Variants in SLC5A4 observed in about 807,000 individuals in gnomAD.
SLC5A4 encodes the protein solute carrier family 5 member 4, also known as probable glucose sensor protein SLC5A4.
A neutral mutation model predicts 70.3 loss-of-function variants in SLC5A4; 55 were observed. The observed-to-expected ratio is 0.78, with a 90% CI of 0.63 to 0.98. The LOEUF is 0.98. Ranked by LOEUF, SLC5A4 falls within the 50% of genes least tolerant of loss-of-function variation. The pLI, the probability that SLC5A4 is intolerant of heterozygous loss-of-function variation, is 0.00. For missense variants in SLC5A4, 735 were observed against 839.2 expected, an observed-to-expected ratio of 0.88 and a Z score of 1.53; for synonymous variants, 268 against 305.7, an observed-to-expected ratio of 0.88 and a Z score of 1.29.
chr22:32,273,910 C>T, the SLC5A4 span, among the ~76,000 whole-genome samples: 7 of 152,088 alleles, frequency 4.6e-5, no homozygotes, highest in African/African-American at 1.7e-4. Flanking sequence ...AGAAAACATA[C>T]ACAAGTCATT....
chr22:32,343,124 A>G, the SLC5A4 span: 2 of 152,210 alleles, frequency 1.3e-5, no homozygotes, highest in African/African-American at 2.4e-5. Flanking sequence ...GGTCTTTATG[A>G]CCATGTCATC....
chr22:32,285,132 G>T, the SLC5A4 span: 1 of 152,110 alleles, frequency 6.6e-6, no homozygotes, highest in African/African-American at 2.4e-5. Flanking sequence ...AATAAAAGTA[G>T]ATGTGTGTGT....
Position 32,233,687 on chromosome 22 carries a change from T to A in SLC5A4, c.886-653A>T, listed in dbSNP as rs150245127. On this transcript the variant is annotated intron_variant, in intron 8 of 14. Coordinates refer to ENST00000266086, the MANE Select transcript of SLC5A4 (RefSeq NM_014227.3). ...AATGAAAAATTAAAAATTGGCCAGGTGCGGTGGCTCACACCTGTAATTGCA... is the reference window on the plus strand; with the variant it reads ...AATGAAAAATTAAAAATTGGCCAGGAGCGGTGGCTCACACCTGTAATTGCA... Among the ~76,000 whole-genome samples the A allele has an allele frequency of 1.5e-3, 229 of 152,044 alleles. 2 individuals are homozygous for A. The highest frequency in any genetic ancestry group is 3.7e-3 in the Admixed American group (57 of 15,262).
chr22:32,257,211 A>T (rs1054589985), upstream of SLC5A4, among the ~76,000 whole-genome samples: 3 of 152,154 alleles, frequency 2.0e-5, no homozygotes, highest in Admixed American at 1.3e-4. Context: ...ATCTTCTTGG[A>T]GAGAGATATA....
At chr22:32,307,322 G>A in the SLC5A4 span, among the ~76,000 whole-genome samples, 1 of 152,170 alleles carries the variant, frequency 6.6e-6, no homozygotes, top group East Asian at 1.9e-4. Context: ...TTGGCCAGGG[G>A]TTTGGACTAG....
At chr22:32,353,458 G>A in the SLC5A4 span, among the ~76,000 whole-genome samples, 1 of 152,054 alleles carries the variant, frequency 6.6e-6, no homozygotes, top group Admixed American at 6.5e-5. Flanking sequence ...CAGGATCCCC[G>A]CGGAAACGCT....
the SLC5A4 span, among the ~76,000 whole-genome samples, chr22:32,325,713 G>GT: frequency 6.6e-6 from 1 of 152,260 alleles, no homozygotes; most frequent in South Asian, 2.1e-4. Context: ...TCCCATGCGT[G>GT]TGTAGCCTCA....
chr22:32,263,867 T>C, the SLC5A4 span, among the ~76,000 whole-genome samples: 4 of 152,010 alleles, frequency 2.6e-5, no homozygotes, highest in Non-Finnish European at 5.9e-5. Context: ...TACTATGCAG[T>C]CATAAAAAAG....
the SLC5A4 span, among the ~76,000 whole-genome samples, chr22:32,299,854 T>G: frequency 8.0e-6 from 1 of 124,794 alleles, no homozygotes; most frequent in Non-Finnish European, 1.8e-5. Flanking sequence ...CCTTTCTGTT[T>G]GTTAGTTTTC....
At chr22:32,266,259 C>G in the SLC5A4 span, among the ~76,000 whole-genome samples, 1 of 152,030 alleles carries the variant, frequency 6.6e-6, no homozygotes, top group African/African-American at 2.4e-5. Flanking sequence ...ATGCCAGGGG[C>G]CCGTGTCTTT....
intron 11 of SLC5A4, among the ~76,000 whole-genome samples, chr22:32,226,700 A>T (rs1427112125): frequency 6.6e-6 from 1 of 152,204 alleles, no homozygotes; most frequent in Non-Finnish European, 1.5e-5. Context: ...TACCATTGGA[A>T]GACAAATCAT....
At chr22:32,278,233 A>C in the SLC5A4 span, among the ~76,000 whole-genome samples, 9 of 152,254 alleles carry the variant, frequency 5.9e-5, no homozygotes, top group Non-Finnish European at 1.3e-4. Flanking sequence ...TTGAGCTGTG[A>C]ATAATCTCAT....
chr22:32,333,810 A>G, the SLC5A4 span, among the ~76,000 whole-genome samples: 1 of 150,450 alleles, frequency 6.6e-6, no homozygotes, highest in East Asian at 2.0e-4. Flanking sequence ...GATCCACACA[A>G]TATCACACAC....
At chr22:32,274,166 A>G in the SLC5A4 span, among the ~76,000 whole-genome samples, 1 of 150,372 alleles carries the variant, frequency 6.7e-6, no homozygotes, top group African/African-American at 2.5e-5. Context: ...CAGCCTCCCC[A>G]GTAGCTGGGA....
At chr22:32,234,504 G>A (rs1344207469) in intron 8 of SLC5A4, among the ~76,000 whole-genome samples, 1 of 152,132 alleles carries the variant, frequency 6.6e-6, no homozygotes, top group Non-Finnish European at 1.5e-5. Context: ...TTCGAGACCA[G>A]CCTGGCCAAC....
At chr22:32,276,516 C>T in the SLC5A4 span, among the ~76,000 whole-genome samples, 1 of 152,284 alleles carries the variant, frequency 6.6e-6, no homozygotes, top group Admixed American at 6.5e-5. Flanking sequence ...GCAATAGCTC[C>T]ATTTGCATAA....
chr22:32,338,713 A>G, the SLC5A4 span, among the ~76,000 whole-genome samples: 3 of 152,302 alleles, frequency 2.0e-5, no homozygotes, highest in South Asian at 6.2e-4. Context: ...CATACTGGAG[A>G]GGGTGCCCCG....
At chr22:32,326,036 C>T in the SLC5A4 span, among the ~76,000 whole-genome samples, 1 of 152,200 alleles carries the variant, frequency 6.6e-6, no homozygotes, top group East Asian at 1.9e-4. Context: ...GTACCTGCAA[C>T]CTAAGTGGGA....
chr22:32,323,946 G>A, the SLC5A4 span, among the ~76,000 whole-genome samples: 1 of 143,910 alleles, frequency 6.9e-6, no homozygotes, highest in Non-Finnish European at 1.5e-5. Context: ...AGCCTCACCC[G>A]ACTTTGGCAG....
Sources: gnomAD v4.1 joint callset for allele counts (sites outside exome capture counted in the v4.1 genomes callset) on GRCh38, gnomAD v4.1.1 for gene constraint, MANE v1.5 for transcripts, NCBI Gene and HGNC (gene_info 2026-07-23, HGNC 2026-07-21) for gene names.